The following MSR1 variants were observed in gnomAD, a reference collection of about 807,000 sequenced individuals.
MSR1 encodes the protein macrophage scavenger receptor 1.
MSR1 carries 53 observed loss-of-function variants against 47.2 expected under a neutral mutation model. The observed-to-expected ratio is 1.12, with a 90% CI of 0.90 to 1.41. The LOEUF (loss-of-function observed/expected upper bound fraction) is 1.41. Among genes scored for constraint, MSR1 ranks in the 40% most tolerant of loss-of-function variants. The probability of loss-of-function intolerance (pLI) is 0.00; values close to 1 mark genes in which losing one functional copy is unlikely to be tolerated. For synonymous variants in MSR1, 239 were observed against 185.6 expected, an observed-to-expected ratio of 1.29 and a Z score of -2.34; for missense variants, 786 against 546.9, an observed-to-expected ratio of 1.44 and a Z score of -4.36.
intron 1 of MSR1, among the ~76,000 whole-genome samples, chr8:16,179,112 A>G (rs1021923969): frequency 3.9e-5 from 6 of 152,188 alleles, no homozygotes; most frequent in African/African-American, 1.4e-4. Flanking sequence ...GAGTGTGGAA[A>G]AAGAGGTATC....
In MSR1 at chr8:16,155,164, A is replaced by G. The variant is rs1283916189; in HGVS notation, c.818-20T>C. 1.3e-6 allele frequency: 2 copies of G among 1,589,648 alleles called. No homozygotes were observed. The highest frequency in any genetic ancestry group is 1.7e-6 in the Non-Finnish European group (2 of 1,159,396). The stretch of plus-strand genomic sequence containing the variant: ...GAGGACCTTTAAAAAAATTACAGTT[A>G]CTGATCATAGTTGTAAAGCATAGGA... On this transcript the variant is annotated intron_variant, in intron 5 of 9. Coordinates refer to ENST00000262101, the MANE Select transcript of MSR1 (RefSeq NM_138715.3).
intron 8 of MSR1, among the ~76,000 whole-genome samples, chr8:16,131,940 T>G (rs905265019): frequency 1.3e-5 from 2 of 152,088 alleles, no homozygotes; most frequent in African/African-American, 4.8e-5. Context: ...GTTCTTTTTC[T>G]TAAAATTGGC....
intron 5 of MSR1, among the ~76,000 whole-genome samples, chr8:16,156,423 A>T (rs1255625223): frequency 6.6e-6 from 1 of 151,924 alleles, no homozygotes; most frequent in African/African-American, 2.4e-5. Flanking sequence ...GCTTATTTTG[A>T]CATCCTTGAC....
At chr8:16,118,330 A>G (rs1799924149) in intron 9 of MSR1, among the ~76,000 whole-genome samples, 1 of 152,208 alleles carries the variant, frequency 6.6e-6, no homozygotes, top group Non-Finnish European at 1.5e-5. Context: ...TGTCCCCTTC[A>G]TAGATGGTAA....
chr8:16,120,983 A>G, intron 8 of MSR1: 7 of 312,592 alleles, frequency 2.2e-5, no homozygotes, highest in Non-Finnish European at 2.5e-5. Context: ...CTTGACATAC[A>G]AACATACAAA....
At chr8:16,126,594 C>T (rs1276267955) in intron 8 of MSR1, among the ~76,000 whole-genome samples, 1 of 151,958 alleles carries the variant, frequency 6.6e-6, no homozygotes, top group African/African-American at 2.4e-5. Context: ...AATGTGCAAC[C>T]CAAATATCAG....
intron 1 of MSR1, among the ~76,000 whole-genome samples, chr8:16,191,436 T>C (rs1802197101): frequency 6.6e-6 from 1 of 152,182 alleles, no homozygotes; most frequent in African/African-American, 2.4e-5. Context: ...AAAGAATTAT[T>C]GCGAGAATTA....
chr8:16,113,520 G>A (rs1249309559), intron 9 of MSR1, among the ~76,000 whole-genome samples: 1 of 152,124 alleles, frequency 6.6e-6, no homozygotes, highest in East Asian at 1.9e-4. Flanking sequence ...TTTAAGCCTA[G>A]TTGGGAAGTG....
At chr8:16,125,425 A>G (rs1403914186) in intron 8 of MSR1, among the ~76,000 whole-genome samples, 9 of 152,086 alleles carry the variant, frequency 5.9e-5, no homozygotes, top group Non-Finnish European at 1.5e-5. Context: ...ATTTTTCTTT[A>G]TATATGTTAA....
At chr8:16,174,070 T>G (rs1391273346) in intron 3 of MSR1, among the ~76,000 whole-genome samples, 2 of 152,346 alleles carry the variant, frequency 1.3e-5, no homozygotes, top group African/African-American at 4.8e-5. Flanking sequence ...GCTCCAATAC[T>G]GAGCTGTCTG....
Position 16,168,752 on chromosome 8 carries a change from T to G in MSR1, c.336A>C (p.Glu112Asp). The change falls in exon 4 of 10, where the codon GAA becomes GAC. Residue 112 changes from glutamate to aspartate, a missense_variant. Glu to Asp is a conservative substitution (Grantham distance 45). Coordinates refer to ENST00000262101, the MANE Select transcript of MSR1 (RefSeq NM_138715.3). ...TGTTGCTCATGTGTTCCATAAAGAC[T>G]TCTTGAAATCTCATTTCCTCTTCGC... is the stretch of plus-strand genomic sequence containing the variant. ...NDSEEEMRFQ[E>D]VFMEHMSNME... 1 of 1,614,180 alleles carries G rather than the reference T, an allele frequency of 6.2e-7. No individual in the cohort carries two copies. Among genetic ancestry groups the G allele is most frequent in the Non-Finnish European group, 8.5e-7 (1 of 1,180,008 alleles).
At chr8:16,112,920 T>C (rs976825008) in intron 9 of MSR1, among the ~76,000 whole-genome samples, 3 of 149,900 alleles carry the variant, frequency 2.0e-5, no homozygotes, top group Non-Finnish European at 3.0e-5. Context: ...TAGGGATTGA[T>C]ATTGATTATA....
At position 16,150,888 on chromosome 8, in the gene MSR1, G is replaced by A. The variant is rs73665219; in HGVS notation, c.899-577C>T. 1.4e-3 allele frequency among the ~76,000 whole-genome samples: 157 copies of A among 115,796 alleles called. 1 individual carries two copies. The highest frequency in any genetic ancestry group is 6.1e-3 in the East Asian group (30 of 4,884). 76.0% of individuals were successfully genotyped at this position (115,796 alleles called of 152,430 possible). ...CACACACACACACACACACACACATGCGATACACAGATTTACTTATGAGTA... is the reference window on the plus strand; with the variant it reads ...CACACACACACACACACACACACATACGATACACAGATTTACTTATGAGTA... On this transcript the variant is annotated intron_variant, in intron 6 of 9. Coordinates refer to ENST00000262101, the MANE Select transcript of MSR1 (RefSeq NM_138715.3).
intron 4 of MSR1, among the ~76,000 whole-genome samples, chr8:16,166,324 ATT>A (rs5889635): frequency 6.9e-6 from 1 of 145,388 alleles, no homozygotes; most frequent in Non-Finnish European, 1.5e-5. Flanking sequence ...CACCTGACTA[ATT>A]TTTTTTTTTT....
At chr8:16,134,300 T>C (rs1298011222) in intron 8 of MSR1, among the ~76,000 whole-genome samples, 3 of 152,134 alleles carry the variant, frequency 2.0e-5, no homozygotes, top group Admixed American at 6.6e-5. Flanking sequence ...CATGTTATAA[T>C]AAGCTAGCTT....
At chr8:16,160,352 G>A (rs902236185) in intron 5 of MSR1, among the ~76,000 whole-genome samples, 2 of 151,994 alleles carry the variant, frequency 1.3e-5, no homozygotes, top group Admixed American at 1.3e-4. Flanking sequence ...CAGGAAGAAT[G>A]ACACTGCTAT....
intron 8 of MSR1, among the ~76,000 whole-genome samples, chr8:16,135,594 A>G (rs957311372): frequency 6.6e-6 from 1 of 152,164 alleles, no homozygotes; most frequent in African/African-American, 2.4e-5. Context: ...TAGCCCATGG[A>G]TCCAGGATTA....
chr8:16,168,894 C>G (rs1353676894), intron 3 of MSR1, 24 bp from the exon 4 acceptor site: 1 of 1,605,814 alleles, frequency 6.2e-7, no homozygotes, highest in African/African-American at 1.3e-5. Flanking sequence ...TAAAAATAAA[C>G]CAGTCATGGC....
chr8:16,152,270 T>C (rs984753171), intron 6 of MSR1, among the ~76,000 whole-genome samples: 1 of 152,008 alleles, frequency 6.6e-6, no homozygotes, highest in Non-Finnish European at 1.5e-5. Flanking sequence ...AGCGACAGCC[T>C]GCAGCCAGGC....
Sources: gnomAD v4.1 joint callset for allele counts (sites outside exome capture counted in the v4.1 genomes callset) on GRCh38, gnomAD v4.1.1 for gene constraint, MANE v1.5 for transcripts, NCBI Gene and HGNC (gene_info 2026-07-23, HGNC 2026-07-21) for gene names.